The following ALKBH1 variants were observed in gnomAD, a reference collection of about 807,000 sequenced individuals.
ALKBH1 encodes nucleic acid dioxygenase ALKBH1.
A neutral mutation model predicts 36.6 loss-of-function variants in ALKBH1; 31 were observed. The ratio of observed to expected loss-of-function variants is 0.85; its 90% CI spans 0.64 to 1.14. The LOEUF (loss-of-function observed/expected upper bound fraction) is 1.14. ALKBH1 is among the 50% of genes most tolerant of loss of function. ALKBH1 has a pLI of 0.00. For missense variants in ALKBH1, 490 were observed against 497.3 expected (o/e 0.99, Z 0.14); for synonymous variants, 183 against 186.6 (o/e 0.98, Z 0.16).
intron 2 of ALKBH1, among the ~76,000 whole-genome samples, chr14:77,703,077 C>T (rs1037479442): frequency 6.6e-6 from 1 of 151,538 alleles, no homozygotes; most frequent in African/African-American, 2.4e-5. Flanking sequence ...ACCTGGCAGG[C>T]GGAGGTTGCA....
chr14:77,691,166 A>T lies in ALKBH1; in HGVS notation c.455+3572T>A, dbSNP rs866093679. On this transcript the variant is annotated intron_variant, in intron 3 of 5. Coordinates refer to ENST00000216489, the MANE Select transcript of ALKBH1 (RefSeq NM_006020.3). ...ACGCCATTCACTTTGGAAAAAAAAG[A>T]ACAGAATTGAGGTACTCTAATTTTT... Among the ~76,000 whole-genome samples the T allele has an allele frequency of 6.6e-5, 10 of 152,212 alleles. No homozygotes were observed. The South Asian group carries it at 2.1e-3, about 31-fold the overall frequency.
chr14:77,694,630 A>G, intron 3 of ALKBH1, 108 bp downstream of exon 3: 1 of 964,236 alleles, frequency 1.0e-6, no homozygotes, highest in Non-Finnish European at 1.4e-6. Flanking sequence ...GAAGGGAAAA[A>G]AAAACCCAGC....
chr14:77,674,112 A>G lies in ALKBH1; in HGVS notation c.870T>C (p.Pro290=). The G allele has an allele frequency of 6.2e-7, 1 of 1,614,168 alleles. No individual in the cohort carries two copies. The highest frequency in any genetic ancestry group is 8.5e-7 in the Non-Finnish European group (1 of 1,180,028). ...CCCCTTCTGGATTTGGAAGGACACG[A>G]GGGACTGCGTGGTTCAAGAGGCGGC... The part of the protein sequence containing the change: ...GFSRLLNHAV[P]RVLPNPEGEG... Residue 290 remains proline (P), a synonymous_variant, in exon 6 of 6, where the codon CCT becomes CCC. Coordinates refer to ENST00000216489, the MANE Select transcript of ALKBH1 (RefSeq NM_006020.3).
chr14:77,707,697 A>G, intron 1 of ALKBH1, 125 bp downstream of exon 1: 1 of 1,117,270 alleles, frequency 9.0e-7, no homozygotes, highest in Non-Finnish European at 1.2e-6. Flanking sequence ...TCTGCAGCCA[A>G]AGGAGGTCAG....
intron 1 of ALKBH1, among the ~76,000 whole-genome samples, chr14:77,705,628 T>C (rs912518888): frequency 6.6e-6 from 1 of 152,232 alleles, no homozygotes; most frequent in Non-Finnish European, 1.5e-5. Flanking sequence ...AAGTTTTCTT[T>C]GTATGTGAGT....
At chr14:77,686,529 G>A (rs1034351703) in intron 3 of ALKBH1, among the ~76,000 whole-genome samples, 17 of 152,196 alleles carry the variant, frequency 1.1e-4, no homozygotes, top group African/African-American at 3.9e-4. Flanking sequence ...GGGTGGGTTG[G>A]CCACCTTCTC....
rs546178308 is a variant in ALKBH1, at chr14:77,678,737, C to A, written c.546+1143G>T. On this transcript the variant is annotated intron_variant, in intron 4 of 5. Transcript: ENST00000216489. Reference sequence around the variant, plus strand: ...GCATAGAGGATAGGAAAGAAGAAATCGTAGCTCAAGAAAACACGAAACTGT... The same window carrying A: ...GCATAGAGGATAGGAAAGAAGAAATAGTAGCTCAAGAAAACACGAAACTGT... Among the ~76,000 whole-genome samples, 5 of 152,092 alleles carry A rather than the reference C, an allele frequency of 3.3e-5. No homozygotes were observed. The East Asian group carries it at 7.7e-4, about 23-fold the overall frequency.
intron 2 of ALKBH1, among the ~76,000 whole-genome samples, chr14:77,700,850 G>A: frequency 6.6e-6 from 1 of 152,092 alleles, no homozygotes; most frequent in East Asian, 1.9e-4. Context: ...CACTCTGGGA[G>A]GCCGAGGCAG....
At chr14:77,691,754 A>T (rs896987192) in intron 3 of ALKBH1, 2 of 152,200 alleles carry the variant, frequency 1.3e-5, no homozygotes, top group Admixed American at 6.5e-5. Context: ...ATGATTTATT[A>T]CAGAGATTCA....
chr14:77,697,608 AC>A (rs1407333263), intron 2 of ALKBH1, among the ~76,000 whole-genome samples: 1 of 150,860 alleles, frequency 6.6e-6, no homozygotes, highest in Non-Finnish European at 1.5e-5. Context: ...CATTATTTAT[AC>A]GTTAATAGGT....
intron 3 of ALKBH1, among the ~76,000 whole-genome samples, chr14:77,681,425 C>G (rs929131685): frequency 1.3e-5 from 2 of 152,074 alleles, no homozygotes; most frequent in African/African-American, 4.8e-5. Flanking sequence ...CAAGCAAAAG[C>G]AAAGGATTTA....
intron 2 of ALKBH1, among the ~76,000 whole-genome samples, chr14:77,702,634 C>A (rs1357366698): frequency 6.6e-6 from 1 of 152,152 alleles, no homozygotes; most frequent in Non-Finnish European, 1.5e-5. Flanking sequence ...ATTACCTATT[C>A]TTCATTATTT....
intron 5 of ALKBH1, among the ~76,000 whole-genome samples, chr14:77,675,277 A>G (rs2080198746): frequency 6.6e-6 from 1 of 151,904 alleles, no homozygotes; most frequent in African/African-American, 2.4e-5. Flanking sequence ...TACTAAAAAA[A>G]AAAAAAATTA....
intron 3 of ALKBH1, among the ~76,000 whole-genome samples, chr14:77,685,028 C>T (rs1330936180): frequency 6.6e-6 from 1 of 152,168 alleles, no homozygotes; most frequent in African/African-American, 2.4e-5. Context: ...ACAGAGAATA[C>T]ATTTTATAAA....
intron 3 of ALKBH1, among the ~76,000 whole-genome samples, chr14:77,687,557 ACT>A (rs200510865): frequency 0.01 from 1,515 of 150,310 alleles, 33 homozygotes; most frequent in African/African-American, 0.035. Context: ...TGCCTTCCTC[ACT>A]CTCTCCCCTC....
intron 2 of ALKBH1, among the ~76,000 whole-genome samples, chr14:77,703,260 G>A (rs1427553280): frequency 1.3e-5 from 2 of 151,854 alleles, no homozygotes; most frequent in Admixed American, 6.6e-5. Flanking sequence ...TGGGATTATA[G>A]GTGTGAGACA....
intron 1 of ALKBH1, among the ~76,000 whole-genome samples, 167 bp downstream of exon 1, chr14:77,707,655 T>G (rs1196351605): frequency 6.6e-6 from 1 of 152,182 alleles, no homozygotes; most frequent in Non-Finnish European, 1.5e-5. Context: ...AACGCTTTAT[T>G]GCTAAGTGTG....
rs148628661 is a variant in ALKBH1, at chr14:77,706,949, T to C, written c.183+873A>G. Among the ~76,000 whole-genome samples, 11 of 152,280 alleles carry C rather than the reference T, an allele frequency of 7.2e-5. No individual in the cohort carries two copies. The East Asian group carries it at 2.1e-3, about 29-fold the overall frequency. On this transcript the variant is annotated intron_variant, in intron 1 of 5. Coordinates refer to ENST00000216489, the MANE Select transcript of ALKBH1 (RefSeq NM_006020.3). ...TCTGTGGACAACACCAAGAGCAAATTAAGGGACTGCATATCCTCAACGTTA... is the reference window on the plus strand; with the variant it reads ...TCTGTGGACAACACCAAGAGCAAATCAAGGGACTGCATATCCTCAACGTTA...
intron 3 of ALKBH1, among the ~76,000 whole-genome samples, chr14:77,689,397 CAT>C (rs1424384728): frequency 6.6e-6 from 1 of 152,112 alleles, no homozygotes; most frequent in African/African-American, 2.4e-5. Flanking sequence ...CCTAGCATCA[CAT>C]ATTTTCTAAG....
Sources: gnomAD v4.1 joint callset for allele counts (sites outside exome capture counted in the v4.1 genomes callset) on GRCh38, gnomAD v4.1.1 for gene constraint, MANE v1.5 for transcripts, NCBI Gene and HGNC (gene_info 2026-07-23, HGNC 2026-07-21) for gene names.